Variants in TICAM1 observed in about 807,000 individuals in gnomAD.
The protein encoded by TICAM1 is TIR domain-containing adapter molecule 1.
For synonymous variants in TICAM1, 439 were observed against 415.4 expected, an observed-to-expected ratio of 1.06 and a Z score of -0.69; for missense variants, 895 against 938.2, an observed-to-expected ratio of 0.95 and a Z score of 0.60.
rs1599144008 is a variant in TICAM1 at position 4,818,583 on chromosome 19, A to C, written c.-139-67T>G. 1.8e-6 allele frequency: 2 copies of C among 1,125,336 alleles called. No individual in the cohort carries two copies. Among genetic ancestry groups the C allele is most frequent in the Non-Finnish European group, 1.2e-6 (1 of 839,156 alleles). The allele number at this position is 1,125,336 out of a possible 1,614,324, so 69.7% of individuals were successfully genotyped here. A position where few individuals can be genotyped will look rare whatever the true frequency, so the allele number is the denominator to read the frequency against. ...AGGTCAGCACGGGAAGGCGGCCCAC[A>C]CACCCCCGCCTGCTTTCCCCGCCTG... On this transcript the variant is annotated intron_variant, in intron 1 of 1. Coordinates refer to ENST00000248244, the MANE Select transcript of TICAM1 (RefSeq NM_182919.4). This position sits in a 1 kb window ranked among gnomAD's most constrained non-coding sequence, Gnocchi z 4.0.
chr19:4,824,445 C>T (rs188622022), intron 1 of TICAM1, among the ~76,000 whole-genome samples: 10 of 150,908 alleles, frequency 6.6e-5, no homozygotes, highest in African/African-American at 2.2e-4. Context: ...AGAGATTCTC[C>T]TGCCTCAGCC....
chr19:4,823,937 A>T (rs2093601822), intron 1 of TICAM1, among the ~76,000 whole-genome samples: 1 of 152,118 alleles, frequency 6.6e-6, no homozygotes, highest in Non-Finnish European at 1.5e-5. Flanking sequence ...GTTGTCCAGT[A>T]TGGCAGCCCC....
At chr19:4,823,225 G>A (rs1054359052) in intron 1 of TICAM1, among the ~76,000 whole-genome samples, 1 of 152,118 alleles carries the variant, frequency 6.6e-6, no homozygotes, top group African/African-American at 2.4e-5. Flanking sequence ...AGCACTTTGG[G>A]AGGCCGAGGT....
At position 4,818,629 on chromosome 19, in the gene TICAM1, G is replaced by A; in HGVS notation, c.-139-113C>T. 1 of 595,402 alleles carries A rather than the reference G, an allele frequency of 1.7e-6. No individual in the cohort carries two copies. Among genetic ancestry groups the A allele is most frequent in the Non-Finnish European group, 2.6e-6 (1 of 381,944 alleles). The allele number at this position is 595,402 out of a possible 1,614,324, so 36.9% of individuals were successfully genotyped here. On this transcript the variant is annotated intron_variant, in intron 1 of 1. Transcript: ENST00000248244. The surrounding 1 kb of genome is among the most constrained non-coding windows in gnomAD (Gnocchi z 4.0). ...GCCTGCCACCCAGACCTAGCCAGGT[G>A]ACCTTCGGCAACACGTCGCCTCCTT... is the stretch of plus-strand genomic sequence containing the variant.
At chr19:4,827,525 G>A (rs1041568015) in intron 1 of TICAM1, among the ~76,000 whole-genome samples, 8 of 151,770 alleles carry the variant, frequency 5.3e-5, no homozygotes, top group Admixed American at 4.6e-4. Context: ...TTGGGAGGCC[G>A]AGGCGGGCAG....
chr19:4,820,465 C>T (rs2093595490), intron 1 of TICAM1, among the ~76,000 whole-genome samples: 1 of 151,078 alleles, frequency 6.6e-6, no homozygotes, highest in Non-Finnish European at 1.5e-5. Flanking sequence ...TGGTGTGTGC[C>T]TGTGGTCCCA....
At chr19:4,827,004 AAAT>A (rs139949265) in intron 1 of TICAM1, among the ~76,000 whole-genome samples, 4 of 150,338 alleles carry the variant, frequency 2.7e-5, no homozygotes, top group Non-Finnish European at 3.0e-5. Flanking sequence ...TAATCTTAGG[AAAT>A]AATAATAATA....
At chr19:4,821,731 G>A (rs182246986) in intron 1 of TICAM1, among the ~76,000 whole-genome samples, 4 of 140,732 alleles carry the variant, frequency 2.8e-5, no homozygotes, top group South Asian at 4.6e-4. Flanking sequence ...CGCAACCTCC[G>A]CCTCCCGGGT....
At position 4,816,250 on chromosome 19, in the gene TICAM1, C is replaced by T. The variant is rs1476609338; in HGVS notation, c.2128G>A (p.Glu710Lys). Residue 710 changes from glutamate (E) to lysine (K), a missense_variant, in exon 2 of 2, where the codon GAG becomes AAG. Transcript: ENST00000248244. This position sits in a 1 kb window ranked among gnomAD's most constrained non-coding sequence, Gnocchi z 4.3. ...GSQAPEDKTQ[E>K]AE Reference sequence around the variant, plus strand: ...GCAAGGACACGCGGTCATTCTGCCTCCTGCGTCTTGTCCTCGGGCGCCTGG... The same window carrying T: ...GCAAGGACACGCGGTCATTCTGCCTTCTGCGTCTTGTCCTCGGGCGCCTGG... The T allele has an allele frequency of 2.0e-6, 3 of 1,509,970 alleles. No individual in the cohort carries two copies. The highest frequency in any genetic ancestry group is 2.7e-6 in the Non-Finnish European group (3 of 1,131,278). 93.5% of individuals were successfully genotyped at this position (1,509,970 alleles called of 1,614,324 possible).
intron 1 of TICAM1, among the ~76,000 whole-genome samples, chr19:4,824,048 G>A (rs2093602014): frequency 6.6e-6 from 1 of 151,472 alleles, no homozygotes; most frequent in South Asian, 2.1e-4. Context: ...TTGCTCTGTC[G>A]CCCAAGCTGG....
At chr19:4,822,763 G>A (rs1339872749) in intron 1 of TICAM1, among the ~76,000 whole-genome samples, 4 of 152,114 alleles carry the variant, frequency 2.6e-5, no homozygotes, top group Admixed American at 6.6e-5. Context: ...ATTCCACAGA[G>A]GGGCAAACAT....
chr19:4,816,651 C>T lies in TICAM1; in HGVS notation c.1727G>A (p.Ser576Asn). The T allele has an allele frequency of 6.2e-7, 1 of 1,614,190 alleles. No homozygotes were observed. The highest frequency in any genetic ancestry group is 1.7e-5 in the Admixed American group (1 of 60,026). ...LNAAYSAYLQ[S>N]YLSYQAQMEQ... ...CATCTGTGCCTGGTAGGACAAGTAG[C>T]TCTGGAGGTAGGCTGAGTAGGCTGC... Residue 576 changes from serine (S) to asparagine (N), a missense_variant, in exon 2 of 2, where the codon AGC becomes AAC. Ser to Asn is a conservative substitution (Grantham distance 46). Coordinates refer to ENST00000248244, the MANE Select transcript of TICAM1 (RefSeq NM_182919.4). This position sits in a 1 kb window ranked among gnomAD's most constrained non-coding sequence, Gnocchi z 4.3.
chr19:4,816,349 G>C lies in TICAM1; in HGVS notation c.2029C>G (p.Gln677Glu). The C allele has an allele frequency of 6.3e-7, 1 of 1,585,736 alleles. No individual in the cohort carries two copies. The highest frequency in any genetic ancestry group is 8.6e-7 in the Non-Finnish European group (1 of 1,166,868). The change falls in exon 2 of 2, where the codon CAA becomes GAA. Residue 677 changes from glutamine (Q) to glutamate (E), a missense_variant. Physicochemically the swap from Gln to Glu is conservative, Grantham distance 29. Coordinates refer to ENST00000248244, the MANE Select transcript of TICAM1 (RefSeq NM_182919.4). This position sits in a 1 kb window ranked among gnomAD's most constrained non-coding sequence, Gnocchi z 4.3. ...SPAPPQSPGL[Q>E]PLIIHHAQMV... ...TGTGCGTGGTGGATAATGAGGGGTT[G>C]CAGCCCTGGGCTCTGAGGGGGTGCG...
chr19:4,820,094 A>G (rs533724856), intron 1 of TICAM1, among the ~76,000 whole-genome samples: 2 of 152,268 alleles, frequency 1.3e-5, no homozygotes, highest in Admixed American at 6.5e-5. Context: ...ATGACAATCA[A>G]TTCCAATATT....
chr19:4,826,392 T>G (rs186957715), intron 1 of TICAM1, among the ~76,000 whole-genome samples: 39 of 152,192 alleles, frequency 2.6e-4, no homozygotes, highest in African/African-American at 8.4e-4. Context: ...TGGCATGATC[T>G]CGACTCACTG....
At position 4,818,439 on chromosome 19, in the gene TICAM1, C is replaced by A. The variant is rs1157771700; in HGVS notation, c.-62G>T. ...GGAGGTGGTGAAGGCATGTTCCACA[C>A]TGCCCCCCGCCTTCTGCACGCCCAG... is the stretch of plus-strand genomic sequence containing the variant. On this transcript the variant is annotated 5_prime_UTR_variant, in exon 2 of 2. Coordinates refer to ENST00000248244, the MANE Select transcript of TICAM1 (RefSeq NM_182919.4). This position sits in a 1 kb window ranked among gnomAD's most constrained non-coding sequence, Gnocchi z 4.0. 6.6e-7 allele frequency: 1 copy of A among 1,504,782 alleles called. No homozygotes were observed. The highest frequency in any genetic ancestry group is 1.4e-5 in the African/African-American group (1 of 71,544). The allele number at this position is 1,504,782 out of a possible 1,614,324, so 93.2% of individuals were successfully genotyped here. A position where few individuals can be genotyped will look rare whatever the true frequency, so the allele number is the denominator to read the frequency against.
intron 1 of TICAM1, among the ~76,000 whole-genome samples, chr19:4,827,668 G>A (rs2093607879): frequency 1.3e-5 from 2 of 150,668 alleles, no homozygotes; most frequent in South Asian, 4.2e-4. Flanking sequence ...TGAGGCAGGA[G>A]AATGGTGTGA....
Position 4,817,552 on chromosome 19 carries a change from G to A in TICAM1, c.826C>T (p.Pro276Ser), listed in dbSNP as rs1032622935. The A allele has an allele frequency of 1.4e-5, 22 of 1,612,956 alleles. No individual in the cohort carries two copies. The Admixed American group carries it at 1.7e-4, about 12-fold the overall frequency. The change falls in exon 2 of 2, where the codon CCC becomes TCC. Residue 276 changes from proline to serine, a missense_variant. Physicochemically the swap from Pro to Ser is moderately conservative, Grantham distance 74. Transcript: ENST00000248244. This position sits in a 1 kb window ranked among gnomAD's most constrained non-coding sequence, Gnocchi z 4.7. ...GAGGTTGCATCTGGGGCCACTTCGG[G>A]AAGCCCAGGAGGTGGGCTGCTTGGC... ...ELPSSPPPGL[P>S]EVAPDATSTG...
rs780257437 is a variant in TICAM1 at position 4,817,894 on chromosome 19, G to C, written c.484C>G (p.Leu162Val). 27 of 1,613,906 alleles carry C rather than the reference G, an allele frequency of 1.7e-5. No homozygotes were observed. The South Asian group carries it at 2.4e-4, about 14-fold the overall frequency. ...PGSIRTLQSN[L>V]GCLPPSSALP... ...GCCGAGGATGGTGGGAGGCAGCCCA[G>C]ATTGGACTGGAGCGTCCGGATGCTC... is the stretch of plus-strand genomic sequence containing the variant. The change falls in exon 2 of 2, where the codon CTG (leucine) becomes GTG (valine). Residue 162 changes from leucine (L) to valine (V), a missense_variant. Physicochemically the swap from Leu to Val is conservative, Grantham distance 32. Transcript: ENST00000248244. This position sits in a 1 kb window ranked among gnomAD's most constrained non-coding sequence, Gnocchi z 4.7.
Sources: gnomAD v4.1 joint callset for allele counts (sites outside exome capture counted in the v4.1 genomes callset) on GRCh38, gnomAD v4.1.1 for gene constraint, Gnocchi (gnomAD v3.1) non-coding constraint, MANE v1.5 for transcripts, NCBI Gene and HGNC (gene_info 2026-07-23, HGNC 2026-07-21) for gene names.